IGF2BP3: variants seen among roughly 807,000 people sequenced by gnomAD.
The protein encoded by IGF2BP3 is insulin-like growth factor 2 mRNA-binding protein 3.
Under a neutral mutation model 73.8 loss-of-function variants are expected in IGF2BP3, and 9 were observed. The ratio of observed to expected loss-of-function variants is 0.12; its 90% CI spans 0.07 to 0.21. The LOEUF is 0.21. IGF2BP3 is among the 10% of genes least tolerant of loss of function. The pLI is 1.00. For synonymous variants in IGF2BP3, 258 were observed against 256.7 expected (o/e 1.01, Z -0.05); for missense variants, 542 against 714.0 (o/e 0.76, Z 2.75).
intron 3 of IGF2BP3, among the ~76,000 whole-genome samples, chr7:23,416,744 C>G (rs1415614390): frequency 6.6e-6 from 1 of 152,166 alleles, no homozygotes; most frequent in Non-Finnish European, 1.5e-5. Context: ...AAGCGGCATA[C>G]CCAGCGTGAA....
intron 3 of IGF2BP3, among the ~76,000 whole-genome samples, chr7:23,393,367 T>C (rs1786346418): frequency 2.6e-5 from 4 of 152,216 alleles, no homozygotes; most frequent in Admixed American, 2.0e-4. Context: ...CCGATGATCA[T>C]CTCATGCCTA....
chr7:23,365,985 C>G (rs1785359402), intron 3 of IGF2BP3: 1 of 152,126 alleles, frequency 6.6e-6, no homozygotes, highest in African/African-American at 2.4e-5. Context: ...AGCCACCGAT[C>G]ATCAAATATG....
chr7:23,440,878 T>G (rs1299228299), intron 2 of IGF2BP3, among the ~76,000 whole-genome samples: 1 of 152,186 alleles, frequency 6.6e-6, no homozygotes, highest in Non-Finnish European at 1.5e-5. Context: ...AACATAAGAA[T>G]ACAATATCAG....
rs1783803717 is a variant in IGF2BP3 at position 23,310,760 on chromosome 7, AT to A, written c.*1601del. ...AGAAAAACATCTAGTCTGTATAGAA[AT>A]TCATCTTGAAATAAGAATGAGGCAG... On this transcript the variant is annotated 3_prime_UTR_variant, in exon 15 of 15. Coordinates refer to ENST00000258729, the MANE Select transcript of IGF2BP3 (RefSeq NM_006547.3). 1 of 152,062 alleles carries A rather than the reference AT, an allele frequency of 6.6e-6. No individual in the cohort carries two copies. Among genetic ancestry groups the A allele is most frequent in the South Asian group, 2.1e-4 (1 of 4,824 alleles). 9.4% of individuals were successfully genotyped at this position (152,062 alleles called of 1,614,324 possible).
intron 3 of IGF2BP3, among the ~76,000 whole-genome samples, chr7:23,385,269 T>C (rs1226457827): frequency 6.6e-6 from 1 of 152,076 alleles, no homozygotes. Context: ...ATCTATGAAG[T>C]ATTCTTGCTT....
chr7:23,393,803 G>A (rs1786361058), intron 3 of IGF2BP3, among the ~76,000 whole-genome samples: 1 of 152,180 alleles, frequency 6.6e-6, no homozygotes, highest in Admixed American at 6.5e-5. Context: ...TGTGTGAGAA[G>A]GATTCTGCGG....
intron 10 of IGF2BP3, among the ~76,000 whole-genome samples, chr7:23,329,162 G>A (rs895517773): frequency 2.0e-5 from 3 of 151,540 alleles, no homozygotes; most frequent in African/African-American, 7.3e-5. Flanking sequence ...GCAGTGAGCA[G>A]AGATCACGCC....
At chr7:23,388,090 G>A (rs61589354) in intron 3 of IGF2BP3, among the ~76,000 whole-genome samples, 8,898 of 152,020 alleles carry the variant, frequency 0.059, 855 homozygotes, top group African/African-American at 0.2. Context: ...ACAGGTGCCC[G>A]ACACCACGCC....
rs965363499 is a variant in IGF2BP3 at position 23,338,901 on chromosome 7, T to C, written c.1203+3163A>G. On this transcript the variant is annotated intron_variant, in intron 10 of 14. Transcript: ENST00000258729. Reference sequence around the variant, plus strand: ...TTTGGATAAATGATTTAGGAAAATATTCAGTTATAAAGTTGAGAACTCCAT... The same window carrying C: ...TTTGGATAAATGATTTAGGAAAATACTCAGTTATAAAGTTGAGAACTCCAT... Among the ~76,000 whole-genome samples the C allele has an allele frequency of 5.3e-5, 8 of 152,366 alleles. No individual in the cohort carries two copies. The East Asian group carries it at 7.7e-4, about 15-fold the overall frequency.
At chr7:23,362,756 T>G (rs1443098049) in intron 3 of IGF2BP3, 2 of 152,122 alleles carry the variant, frequency 1.3e-5, no homozygotes, top group Admixed American at 6.6e-5. Context: ...TCTTATTTAT[T>G]TATTTATTTA....
intron 3 of IGF2BP3, among the ~76,000 whole-genome samples, chr7:23,391,151 G>A (rs950317871): frequency 6.9e-5 from 10 of 144,456 alleles, no homozygotes; most frequent in Non-Finnish European, 1.2e-4. Flanking sequence ...CCAGGCTAGA[G>A]TGCAGTGGCA....
intron 3 of IGF2BP3, among the ~76,000 whole-genome samples, chr7:23,382,199 T>C (rs1028955941): frequency 6.6e-6 from 1 of 152,178 alleles, no homozygotes; most frequent in African/African-American, 2.4e-5. Context: ...TGAGCCGTGG[T>C]TGCAGCACTG....
chr7:23,353,738 C>A (rs1785023418), intron 5 of IGF2BP3, among the ~76,000 whole-genome samples: 1 of 152,158 alleles, frequency 6.6e-6, no homozygotes, highest in Non-Finnish European at 1.5e-5. Flanking sequence ...TTTTCATAAG[C>A]TTCAGAGGAT....
chr7:23,405,255 C>G (rs1373466616), intron 3 of IGF2BP3: 1 of 152,136 alleles, frequency 6.6e-6, no homozygotes, highest in African/African-American at 2.4e-5. Flanking sequence ...GGTTCTAGAT[C>G]CAGACAAATT....
intron 3 of IGF2BP3, among the ~76,000 whole-genome samples, chr7:23,412,533 G>A (rs1349139944): frequency 6.6e-6 from 1 of 152,142 alleles, no homozygotes; most frequent in Non-Finnish European, 1.5e-5. Flanking sequence ...TGAGTGATGT[G>A]GGGGCCCCAC....
intron 3 of IGF2BP3, chr7:23,414,710 G>A (rs1417989095): frequency 1.3e-5 from 2 of 158,252 alleles, no homozygotes; most frequent in Non-Finnish European, 2.8e-5. Context: ...TTTGCCAGCT[G>A]TTACCTGTTA....
At chr7:23,442,055 A>G (rs1787948978) in intron 2 of IGF2BP3, among the ~76,000 whole-genome samples, 1 of 152,230 alleles carries the variant, frequency 6.6e-6, no homozygotes, top group Non-Finnish European at 1.5e-5. Context: ...TGAACCTGGG[A>G]GGCAGAGGCT....
chr7:23,445,807 T>C (rs1231316062), intron 2 of IGF2BP3, among the ~76,000 whole-genome samples: 3 of 152,174 alleles, frequency 2.0e-5, no homozygotes, highest in East Asian at 1.9e-4. Flanking sequence ...ACAATAGTTA[T>C]GTTTAAGTAG....
chr7:23,327,841 A>C (rs947313908), intron 10 of IGF2BP3, among the ~76,000 whole-genome samples: 5 of 152,160 alleles, frequency 3.3e-5, no homozygotes, highest in Non-Finnish European at 7.3e-5. Context: ...GTGAGCCCAG[A>C]GCAGAGGCAA....
Sources: gnomAD v4.1 joint callset for allele counts (sites outside exome capture counted in the v4.1 genomes callset) on GRCh38, gnomAD v4.1.1 for gene constraint, MANE v1.5 for transcripts, NCBI Gene and HGNC (gene_info 2026-07-23, HGNC 2026-07-21) for gene names.